BTAF1: variants seen among roughly 807,000 people sequenced by gnomAD.
The protein encoded by BTAF1 is TATA-binding protein-associated factor 172.
Under a neutral mutation model 227.1 loss-of-function variants are expected in BTAF1, and 38 were observed. That is an observed-to-expected ratio of 0.17 (90% CI 0.13 to 0.22). The LOEUF (loss-of-function observed/expected upper bound fraction) is 0.22, where lower values mean the gene tolerates loss of function less well. BTAF1 is among the 10% of genes least tolerant of loss of function. The pLI, the probability that BTAF1 is intolerant of heterozygous loss-of-function variation, is 1.00. For synonymous variants in BTAF1, 742 were observed against 751.9 expected, an observed-to-expected ratio of 0.99 and a Z score of 0.21; for missense variants, 1,598 against 2,204.0, an observed-to-expected ratio of 0.73 and a Z score of 5.51.
intron 2 of BTAF1, among the ~76,000 whole-genome samples, chr10:91,938,359 A>T (rs1034015543): frequency 2.2e-4 from 33 of 152,150 alleles, no homozygotes; most frequent in Non-Finnish European, 2.9e-4. Flanking sequence ...ACAAAGATTT[A>T]CCCCTAAGTT....
intron 32 of BTAF1, among the ~76,000 whole-genome samples, chr10:92,015,033 T>C (rs1319367606): frequency 6.6e-6 from 1 of 152,250 alleles, no homozygotes; most frequent in Non-Finnish European, 1.5e-5. Context: ...CCTTGTGCAG[T>C]GCATGACTAT....
chr10:91,934,667 G>T (rs1844485923), intron 1 of BTAF1, among the ~76,000 whole-genome samples: 1 of 152,108 alleles, frequency 6.6e-6, no homozygotes, highest in Admixed American at 6.5e-5. Context: ...CCACGGTAGG[G>T]TTCCAGCTAC....
At chr10:91,973,413 A>C (rs1847449888) in intron 14 of BTAF1, among the ~76,000 whole-genome samples, 1 of 152,214 alleles carries the variant, frequency 6.6e-6, no homozygotes, top group Admixed American at 6.5e-5. Context: ...AATAGTACAG[A>C]TACTAAAAGA....
chr10:91,928,610 A>G (rs892881872), intron 1 of BTAF1, among the ~76,000 whole-genome samples: 1 of 152,154 alleles, frequency 6.6e-6, no homozygotes, highest in Non-Finnish European at 1.5e-5. Flanking sequence ...TTAAATAATA[A>G]GTGTTATATT....
At position 92,007,056 on chromosome 10, in the gene BTAF1, A is replaced by T. The variant is rs566389339; in HGVS notation, c.3661-1067A>T. On this transcript the variant is annotated intron_variant, in intron 25 of 37. Coordinates refer to ENST00000265990, the MANE Select transcript of BTAF1 (RefSeq NM_003972.3). ...ACTTCATATTTGGGTTTTTTTTTTT[A>T]AAATGGCTAGTTCAGCTCCTCAACA... Among the ~76,000 whole-genome samples the T allele has an allele frequency of 2.7e-3, 416 of 151,360 alleles. 3 individuals are homozygous for T. Among genetic ancestry groups the T allele is most frequent in the African/African-American group, 6.9e-3 (284 of 41,346 alleles).
At chr10:91,965,802 A>G in intron 13 of BTAF1, among the ~76,000 whole-genome samples, 1 of 152,182 alleles carries the variant, frequency 6.6e-6, no homozygotes, top group East Asian at 1.9e-4. Context: ...AATTTGCTAA[A>G]TATGAAAATA....
In BTAF1 at chr10:91,982,209, AGAAT is replaced by A; in HGVS notation, c.2035_2038del (p.Met679TrpfsTer6). Reference sequence around the variant, plus strand: ...CAGGGATTTTGTAGTTATGCGGGCCAGAATGATGGCAGCCAAGTGAGTGTACATT... The same window carrying A: ...CAGGGATTTTGTAGTTATGCGGGCCAGATGGCAGCCAAGTGAGTGTACATT... On this transcript the variant is annotated frameshift_variant, in exon 17 of 38. Transcript: ENST00000265990. LOFTEE classifies it high-confidence loss of function. 6.2e-7 allele frequency: 1 copy of A among 1,613,994 alleles called. No individual in the cohort carries two copies. The highest frequency in any genetic ancestry group is 1.1e-5 in the South Asian group (1 of 91,076).
At chr10:92,024,733 T>TTTTTTTGTTG (rs778466491) in intron 34 of BTAF1, 23 bp from the exon 35 acceptor site, 12 of 1,158,076 alleles carry the variant, frequency 1.0e-5, no homozygotes, top group South Asian at 4.5e-5. Flanking sequence ...GCTTATGTAG[T>TTTTTTTGTTG]TTTTTTTTTT....
intron 18 of BTAF1, 144 bp from the exon 19 acceptor site, chr10:91,984,057 A>T (rs1377036235): frequency 1.4e-6 from 1 of 703,474 alleles, no homozygotes; most frequent in South Asian, 2.1e-5. Flanking sequence ...TTTTCTGTGC[A>T]ATTAACTGTT....
intron 20 of BTAF1, among the ~76,000 whole-genome samples, chr10:91,991,822 T>A (rs370093756): frequency 2.3e-5 from 2 of 88,286 alleles, no homozygotes; most frequent in South Asian, 6.2e-4. Flanking sequence ...TATATATATA[T>A]ATATATATAT....
At chr10:92,020,999 C>CT (rs1851081992) in intron 34 of BTAF1, among the ~76,000 whole-genome samples, 1 of 152,136 alleles carries the variant, frequency 6.6e-6, no homozygotes, top group Admixed American at 6.5e-5. Flanking sequence ...CAGATTTTTT[C>CT]TGGCTGTCCT....
chr10:91,998,356 A>G (rs1849281732), intron 25 of BTAF1, among the ~76,000 whole-genome samples: 2 of 152,312 alleles, frequency 1.3e-5, no homozygotes, highest in South Asian at 4.1e-4. Flanking sequence ...CTAGAAATAG[A>G]ATTGTTCCTA....
At chr10:91,984,859 C>CA (rs1848297905) in intron 19 of BTAF1, among the ~76,000 whole-genome samples, 1 of 152,286 alleles carries the variant, frequency 6.6e-6, no homozygotes, top group Admixed American at 6.5e-5. Context: ...CATACGTATT[C>CA]ACCTGCCTAC....
intron 14 of BTAF1, among the ~76,000 whole-genome samples, chr10:91,979,475 TAC>T (rs1847928537): frequency 6.6e-6 from 1 of 152,198 alleles, no homozygotes; most frequent in African/African-American, 2.4e-5. Flanking sequence ...TTCCATTGGC[TAC>T]AAATTATAGG....
intron 1 of BTAF1, among the ~76,000 whole-genome samples, chr10:91,927,499 A>G (rs1589726804): frequency 1.3e-5 from 2 of 152,140 alleles, no homozygotes; most frequent in African/African-American, 4.8e-5. Flanking sequence ...TAATATTTAT[A>G]TTTTGTAATT....
At chr10:92,000,579 T>G in intron 25 of BTAF1, among the ~76,000 whole-genome samples, 1 of 152,100 alleles carries the variant, frequency 6.6e-6, no homozygotes, top group Admixed American at 6.6e-5. Context: ...TTTGTTTGAG[T>G]TGGAGTTTTG....
chr10:91,927,019 T>C (rs1843888574), intron 1 of BTAF1, among the ~76,000 whole-genome samples: 1 of 152,128 alleles, frequency 6.6e-6, no homozygotes, highest in Non-Finnish European at 1.5e-5. Flanking sequence ...CACCTTCTTC[T>C]CTCTTCTATC....
At chr10:92,005,884 T>C (rs1849845091) in intron 25 of BTAF1, among the ~76,000 whole-genome samples, 1 of 151,898 alleles carries the variant, frequency 6.6e-6, no homozygotes, top group Admixed American at 6.6e-5. Flanking sequence ...TTTTTTTTTT[T>C]TCCTTGAAAC....
chr10:92,017,491 T>A (rs1255069264), intron 33 of BTAF1, among the ~76,000 whole-genome samples: 1 of 152,106 alleles, frequency 6.6e-6, no homozygotes, highest in Non-Finnish European at 1.5e-5. Context: ...AAAAGATAGT[T>A]GTGAAGATCT....
Sources: gnomAD v4.1 joint callset for allele counts (sites outside exome capture counted in the v4.1 genomes callset) on GRCh38, gnomAD v4.1.1 for gene constraint, MANE v1.5 for transcripts, NCBI Gene and HGNC (gene_info 2026-07-23, HGNC 2026-07-21) for gene names.